Variants in GABRB1 observed in about 807,000 individuals in gnomAD.
GABRB1 encodes gamma-aminobutyric acid receptor subunit beta-1.
A neutral mutation model predicts 51.6 loss-of-function variants in GABRB1; 17 were observed. The ratio of observed to expected loss-of-function variants is 0.33; its 90% CI spans 0.23 to 0.49. GABRB1 has a LOEUF of 0.49. Ranked by LOEUF, GABRB1 falls within the 20% of genes least tolerant of loss-of-function variation. The probability of loss-of-function intolerance (pLI) is 0.99; values close to 1 mark genes in which losing one functional copy is unlikely to be tolerated. For missense variants in GABRB1, 410 were observed against 600.6 expected, an observed-to-expected ratio of 0.68 and a Z score of 3.32; for synonymous variants, 247 against 218.9, an observed-to-expected ratio of 1.13 and a Z score of -1.14.
intron 4 of GABRB1, among the ~76,000 whole-genome samples, chr4:47,297,232 T>C (rs1033958854): frequency 5.4e-5 from 8 of 147,660 alleles, no homozygotes; most frequent in African/African-American, 2.0e-4. Flanking sequence ...ATTCAAAAGC[T>C]AGCAGAAGGC....
intron 3 of GABRB1, among the ~76,000 whole-genome samples, chr4:47,122,247 T>G (rs1287019807): frequency 6.6e-6 from 1 of 152,234 alleles, no homozygotes. Flanking sequence ...GTTTAAATTT[T>G]TAGTTGACAG....
chr4:47,371,695 T>C (rs1256921734), intron 5 of GABRB1, among the ~76,000 whole-genome samples: 1 of 152,230 alleles, frequency 6.6e-6, no homozygotes, highest in East Asian at 1.9e-4. Flanking sequence ...TCCGTGATGT[T>C]GAGCTTTTTT....
upstream of GABRB1, among the ~76,000 whole-genome samples, chr4:47,029,924 A>G (rs1467607297): frequency 1.3e-5 from 2 of 152,116 alleles, no homozygotes; most frequent in African/African-American, 4.8e-5. Flanking sequence ...ATAGCACAAT[A>G]ATGTCTTGAT....
chr4:47,333,958 T>G (rs7674333), intron 5 of GABRB1, among the ~76,000 whole-genome samples: 95,358 of 152,000 alleles, frequency 0.63, 30,142 homozygotes, highest in African/African-American at 0.71. Flanking sequence ...AGATTATGTG[T>G]ACCTACAATG....
In GABRB1 at chr4:47,299,687, C is replaced by T. The variant is rs997627099; in HGVS notation, c.462-20440C>T. On this transcript the variant is annotated intron_variant, in intron 4 of 8. Transcript: ENST00000295454. Reference sequence around the variant, plus strand: ...CATTGTGGAAGTCAGTGTGGCGATTCCTCAGGAATCTAGAACTAGAAATAC... The same window carrying T: ...CATTGTGGAAGTCAGTGTGGCGATTTCTCAGGAATCTAGAACTAGAAATAC... Among the ~76,000 whole-genome samples, 1,133 of 152,144 alleles carry T rather than the reference C, an allele frequency of 7.4e-3. 15 individuals are homozygous for T. Among genetic ancestry groups the T allele is most frequent in the Middle Eastern group, 0.044 (13 of 294 alleles).
chr4:47,404,336 G>A (rs1728496576), intron 7 of GABRB1, among the ~76,000 whole-genome samples: 1 of 152,120 alleles, frequency 6.6e-6, no homozygotes, highest in South Asian at 2.1e-4. Flanking sequence ...GCTGAAAGCT[G>A]ACAGGCTATA....
chr4:47,287,647 T>C (rs1051098717), intron 4 of GABRB1, among the ~76,000 whole-genome samples: 1 of 152,212 alleles, frequency 6.6e-6, no homozygotes, highest in African/African-American at 2.4e-5. Context: ...TTCCCTTCCT[T>C]TGAGTTTGTT....
At chr4:47,346,611 A>G (rs997748071) in intron 5 of GABRB1, among the ~76,000 whole-genome samples, 10 of 152,216 alleles carry the variant, frequency 6.6e-5, no homozygotes, top group Admixed American at 2.6e-4. Context: ...AATGCTGATG[A>G]AACATTACTA....
intron 4 of GABRB1, among the ~76,000 whole-genome samples, chr4:47,319,444 T>C (rs1724997661): frequency 6.6e-6 from 1 of 152,116 alleles, no homozygotes; most frequent in Non-Finnish European, 1.5e-5. Context: ...GATGATAGTG[T>C]GGTCTTTATT....
intron 8 of GABRB1, among the ~76,000 whole-genome samples, chr4:47,409,625 G>A (rs1031646233): frequency 5.9e-5 from 9 of 152,306 alleles, no homozygotes; most frequent in Admixed American, 5.2e-4. Context: ...GGCAATATTT[G>A]ACACTAAAAC....
chr4:47,199,999 ACCAGGGTTATACT>A (rs1719837550), intron 4 of GABRB1, among the ~76,000 whole-genome samples: 1 of 152,170 alleles, frequency 6.6e-6, no homozygotes, highest in South Asian at 2.1e-4. Context: ...ATATTGATTA[ACCAGGGTTATACT>A]CTAGCCGAAG....
intron 4 of GABRB1, among the ~76,000 whole-genome samples, chr4:47,198,468 G>T (rs903555328): frequency 2.6e-5 from 4 of 152,166 alleles, no homozygotes; most frequent in African/African-American, 9.7e-5. Context: ...GCTGATGAGG[G>T]CTCAGAAGGA....
At chr4:47,083,032 G>A (rs539497690) in intron 3 of GABRB1, among the ~76,000 whole-genome samples, 12 of 152,224 alleles carry the variant, frequency 7.9e-5, no homozygotes, top group South Asian at 2.1e-4. Context: ...GACCTCCTCT[G>A]CTAAAGTGCT....
At chr4:47,271,509 G>A (rs945750353) in intron 4 of GABRB1, among the ~76,000 whole-genome samples, 1 of 152,054 alleles carries the variant, frequency 6.6e-6, no homozygotes, top group Non-Finnish European at 1.5e-5. Context: ...TCCAATATGG[G>A]GCATCTCTTT....
chr4:47,381,286 G>A (rs1424905254), intron 5 of GABRB1, among the ~76,000 whole-genome samples: 1 of 152,106 alleles, frequency 6.6e-6, no homozygotes, highest in Non-Finnish European at 1.5e-5. Context: ...GCAGGATCAG[G>A]TCCTCACTCC....
chr4:47,307,313 T>A (rs537749669), intron 4 of GABRB1, among the ~76,000 whole-genome samples: 1 of 152,150 alleles, frequency 6.6e-6, no homozygotes, highest in East Asian at 1.9e-4. Flanking sequence ...AATTTTGTTT[T>A]GTAGCTTTTA....
At chr4:47,423,636 C>G (rs1729163537) in intron 8 of GABRB1, among the ~76,000 whole-genome samples, 1 of 152,058 alleles carries the variant, frequency 6.6e-6, no homozygotes, top group Non-Finnish European at 1.5e-5. Flanking sequence ...CAAAGGTACA[C>G]AAAGAAAGCA....
chr4:47,374,147 C>A (rs562119716), intron 5 of GABRB1, among the ~76,000 whole-genome samples: 1 of 152,188 alleles, frequency 6.6e-6, no homozygotes, highest in South Asian at 2.1e-4. Flanking sequence ...CTCTGGTTCC[C>A]GCAAGGTATA....
chr4:47,329,279 C>T (rs1304707629), intron 5 of GABRB1, among the ~76,000 whole-genome samples: 1 of 151,884 alleles, frequency 6.6e-6, no homozygotes, highest in Non-Finnish European at 1.5e-5. Context: ...GCAGATGAAA[C>T]TATGATCAGA....
Sources: gnomAD v4.1 joint callset for allele counts (sites outside exome capture counted in the v4.1 genomes callset) on GRCh38, gnomAD v4.1.1 for gene constraint, MANE v1.5 for transcripts, NCBI Gene and HGNC (gene_info 2026-07-23, HGNC 2026-07-21) for gene names.